PWWP2A: variants seen among roughly 807,000 people sequenced by gnomAD.
PWWP2A encodes the protein PWWP domain-containing protein 2A.
In PWWP2A, 18 loss-of-function variants were observed where a neutral mutation model predicts 48.5. That is an observed-to-expected ratio of 0.37 (90% confidence interval 0.26 to 0.55). The LOEUF (loss-of-function observed/expected upper bound fraction) is 0.55, where lower values mean the gene tolerates loss of function less well. Among genes scored for constraint, PWWP2A ranks in the 20% least tolerant of loss-of-function variants. The pLI is 0.81. For synonymous variants in PWWP2A, 396 were observed against 387.7 expected, an observed-to-expected ratio of 1.02 and a Z score of -0.25; for missense variants, 867 against 976.4, an observed-to-expected ratio of 0.89 and a Z score of 1.49.
rs1451098985 is a variant in PWWP2A, at chr5:160,092,136, G to A, written c.*246C>T. 7.3e-6 allele frequency: 9 copies of A among 1,235,400 alleles called. No individual in the cohort carries two copies. The highest frequency in any genetic ancestry group is 9.1e-6 in the Non-Finnish European group (9 of 986,680). 76.5% of individuals were successfully genotyped at this position (1,235,400 alleles called of 1,614,324 possible). Reference sequence around the variant, plus strand: ...TTGAGGCTATGGCTCCTATGCCTTGGGATGGTTTCGAACTTCAAAACTGAA... The same window carrying A: ...TTGAGGCTATGGCTCCTATGCCTTGAGATGGTTTCGAACTTCAAAACTGAA... On this transcript the variant is annotated 3_prime_UTR_variant, in exon 2 of 2. Coordinates refer to ENST00000307063, the MANE Select transcript of PWWP2A (RefSeq NM_001130864.2).
intron 2 of PWWP2A, among the ~76,000 whole-genome samples, chr5:160,082,691 G>A (rs916307823): frequency 6.6e-6 from 1 of 152,120 alleles, no homozygotes; most frequent in Non-Finnish European, 1.5e-5. Flanking sequence ...TAATGTTTAA[G>A]ATAATCTTCC....
At chr5:160,073,100 T>C (rs1401458030), downstream of PWWP2A, among the ~76,000 whole-genome samples, 2 of 152,026 alleles carry the variant, frequency 1.3e-5, no homozygotes, top group Non-Finnish European at 2.9e-5. Context: ...TGAGATGGAT[T>C]TCTACACCTC....
rs951958516 is a variant in PWWP2A at position 160,078,803 on chromosome 5, C to G, written c.1670-635G>C. On this transcript the variant is annotated intron_variant, in intron 3 of 3. Transcript: ENST00000456329. This position sits in a 1 kb window ranked among gnomAD's most constrained non-coding sequence, Gnocchi z 4.2. ...AACACATGTACACTGGTTAGACGGACCAGTATCCCTTGTTACACCAGCAAA... is the reference window on the plus strand; with the variant it reads ...AACACATGTACACTGGTTAGACGGAGCAGTATCCCTTGTTACACCAGCAAA... 3.3e-5 allele frequency among the ~76,000 whole-genome samples: 5 copies of G among 152,180 alleles called. No homozygotes were observed. The highest frequency in any genetic ancestry group is 7.2e-5 in the African/African-American group (3 of 41,446).
At chr5:160,099,626 AT>A (rs1348156754) in intron 1 of PWWP2A, among the ~76,000 whole-genome samples, 1 of 151,712 alleles carries the variant, frequency 6.6e-6, no homozygotes, top group Non-Finnish European at 1.5e-5. Context: ...CGGCCCCAAA[AT>A]TCTTTTAAAA....
At chr5:160,057,036 T>C (rs1259025139), downstream of PWWP2A, among the ~76,000 whole-genome samples, 1 of 152,140 alleles carries the variant, frequency 6.6e-6, no homozygotes, top group Non-Finnish European at 1.5e-5. This position sits in a 1 kb window ranked among gnomAD's most constrained non-coding sequence, Gnocchi z 4.4. Context: ...CATTACAGAC[T>C]GTACACTTGC....
downstream of PWWP2A, chr5:160,089,611 C>G: frequency 6.2e-6 from 8 of 1,288,594 alleles, no homozygotes; most frequent in Non-Finnish European, 8.1e-6. Flanking sequence ...TCTATAAATT[C>G]TAGAAAGTAA....
In PWWP2A at chr5:160,119,163, C is replaced by CCGGCGG. The variant is rs772304273; in HGVS notation, c.220_225dup (p.Pro74_Pro75dup). On this transcript the variant is annotated inframe_insertion, in exon 1 of 2. Transcript: ENST00000307063. ...GCCTCTGGGCTGCGGGCGAGCTCCCCCGGCGGCGGCGGTGGCGGCGGGAGC... is the reference window on the plus strand; with the variant it reads ...GCCTCTGGGCTGCGGGCGAGCTCCCCCGGCGGCGGCGGCGGCGGTGGCGGCGGGAGC... 1.6e-5 allele frequency: 24 copies of CCGGCGG among 1,529,382 alleles called. No individual in the cohort carries two copies. Among genetic ancestry groups the CCGGCGG allele is most frequent in the African/African-American group, 5.8e-5 (4 of 68,998 alleles). 94.7% of individuals were successfully genotyped at this position (1,529,382 alleles called of 1,614,324 possible).
At position 160,078,130 on chromosome 5, in the gene PWWP2A, A is replaced by C. The variant is rs1373164248; in HGVS notation, c.*25T>G. On this transcript the variant is annotated 3_prime_UTR_variant, in exon 4 of 4. Coordinates refer to the PWWP2A transcript ENST00000456329. This position sits in a 1 kb window ranked among gnomAD's most constrained non-coding sequence, Gnocchi z 4.2. ...CTGGTGTTCTCTGTGTCATTGTGGT[A>C]CAGGTCCATGAAACCAGCAGCCTGC... is the stretch of plus-strand genomic sequence containing the variant. The C allele has an allele frequency of 3.2e-6, 5 of 1,550,400 alleles. No homozygotes were observed. Among genetic ancestry groups the C allele is most frequent in the Non-Finnish European group, 4.4e-6 (5 of 1,142,448 alleles).
rs750485644 is a variant in PWWP2A at position 160,093,399 on chromosome 5, A to G, written c.1251T>C (p.Val417=). 39 of 1,613,578 alleles carry G rather than the reference A, an allele frequency of 2.4e-5. No individual in the cohort carries two copies. Among genetic ancestry groups the G allele is most frequent in the Non-Finnish European group, 3.1e-5 (36 of 1,179,836 alleles). ...TSKAQLSTKK[V]LQSKNMDHAK... ...CATGATCCATGTTCTTACTCTGGAG[A>G]ACTTTTTTAGTACTTAACTGAGCTT... The change falls in exon 2 of 2, where the codon GTT becomes GTC. Residue 417 remains valine, a synonymous_variant. Coordinates refer to ENST00000307063, the MANE Select transcript of PWWP2A (RefSeq NM_001130864.2). The surrounding 1 kb of genome is among the most constrained non-coding windows in gnomAD (Gnocchi z 5.8).
At chr5:160,104,122 C>CAAAAA (rs70990703) in intron 1 of PWWP2A, among the ~76,000 whole-genome samples, 9 of 61,762 alleles carry the variant, frequency 1.5e-4, no homozygotes, top group South Asian at 8.4e-4. Context: ...GACTCTGTCT[C>CAAAAA]AAAAAAAAAA....
chr5:160,096,826 ACTTAT>A (rs1372978934), intron 1 of PWWP2A, among the ~76,000 whole-genome samples: 2 of 152,016 alleles, frequency 1.3e-5, no homozygotes, highest in East Asian at 1.9e-4. Context: ...ACTAAACCAT[ACTTAT>A]CTTAATGTTT....
At chr5:160,118,600 C>T (rs1030565364) in intron 1 of PWWP2A, among the ~76,000 whole-genome samples, 2 of 151,558 alleles carry the variant, frequency 1.3e-5, no homozygotes, top group Non-Finnish European at 3.0e-5. Context: ...ACACCTGCCC[C>T]GCAGGCGCCC....
intron 4 of PWWP2A, among the ~76,000 whole-genome samples, chr5:160,063,899 C>T (rs1168538625): frequency 5.3e-5 from 8 of 152,026 alleles, no homozygotes; most frequent in African/African-American, 1.9e-4. Context: ...GCCTCAGCTT[C>T]CCAAAGTGCT....
chr5:160,073,004 C>CAAAAAAAAAAAAAAAAA (rs35836307), downstream of PWWP2A, among the ~76,000 whole-genome samples: 3 of 58,830 alleles, frequency 5.1e-5, no homozygotes, highest in African/African-American at 2.2e-4. Flanking sequence ...GGCTCCGTCT[C>CAAAAAAAAAAAAAAAAA]AAAAAAAAAA....
chr5:160,074,386 C>T (rs528726851), downstream of PWWP2A, among the ~76,000 whole-genome samples: 1 of 151,658 alleles, frequency 6.6e-6, no homozygotes, highest in East Asian at 1.9e-4. Context: ...TGCAGTGAGC[C>T]GAGATCGCAC....
the PWWP2A span, among the ~76,000 whole-genome samples, chr5:160,045,099 A>T: frequency 1.2e-4 from 19 of 152,168 alleles, no homozygotes; most frequent in African/African-American, 1.9e-4. Context: ...TGGGAAGTTT[A>T]AATTAGGAAC....
chr5:160,114,912 G>A (rs182757190), intron 1 of PWWP2A, among the ~76,000 whole-genome samples: 8 of 151,752 alleles, frequency 5.3e-5, no homozygotes, highest in East Asian at 2.0e-4. Context: ...AGGCCGAGGC[G>A]GATCACGAAG....
intron 1 of PWWP2A, among the ~76,000 whole-genome samples, chr5:160,104,453 G>A (rs1184014578): frequency 1.3e-5 from 2 of 151,998 alleles, no homozygotes; most frequent in Non-Finnish European, 2.9e-5. Context: ...AGGACAGAGA[G>A]AGAGGCTAGT....
In PWWP2A at chr5:160,077,858, C is replaced by T; in HGVS notation, c.*297G>A. 1 of 346,244 alleles carries T rather than the reference C, an allele frequency of 2.9e-6. No homozygotes were observed. The highest frequency in any genetic ancestry group is 4.8e-5 in the South Asian group (1 of 20,800). The allele number at this position is 346,244 out of a possible 1,614,324, so 21.4% of individuals were successfully genotyped here. On this transcript the variant is annotated 3_prime_UTR_variant, in exon 4 of 4. Transcript: ENST00000456329. This position sits in a 1 kb window ranked among gnomAD's most constrained non-coding sequence, Gnocchi z 4.2. ...CTTCACATTCCAAAGAAGTTACTGT[C>T]AGTGTTTCTTCATATATAAAATTCA...
Sources: allele counts gnomAD v4.1 joint callset (sites outside exome capture counted in the v4.1 genomes callset), GRCh38; gene constraint gnomAD v4.1.1; non-coding constraint Gnocchi (gnomAD v3.1); transcripts MANE v1.5; gene names NCBI Gene and HGNC (gene_info 2026-07-23, HGNC 2026-07-21).